TPTE2: variants seen among roughly 807,000 people sequenced by gnomAD.
The protein encoded by TPTE2 is phosphatidylinositol 3,4,5-trisphosphate 3-phosphatase TPTE2.
Under a neutral mutation model 78.6 loss-of-function variants are expected in TPTE2, and 53 were observed. That is an observed-to-expected ratio of 0.67 (90% CI 0.54 to 0.85). The LOEUF is 0.85. TPTE2 is among the 40% of genes least tolerant of loss of function. The probability of loss-of-function intolerance (pLI) is 0.00; values close to 1 mark genes in which losing one functional copy is unlikely to be tolerated. For synonymous variants in TPTE2, 175 were observed against 206.2 expected (o/e 0.85, Z 1.30); for missense variants, 461 against 623.0 (o/e 0.74, Z 2.77).
At chr13:19,560,537 A>G in the TPTE2 span, 1 of 1,591,608 alleles carries the variant, frequency 6.3e-7, no homozygotes, top group Non-Finnish European at 8.6e-7. Context: ...GACAGCGATG[A>G]GAAGCCTGGG....
At chr13:19,561,318 G>C in the TPTE2 span, 1 of 753,184 alleles carries the variant, frequency 1.3e-6, no homozygotes, top group Non-Finnish European at 2.0e-6. Flanking sequence ...CCAGGCACAC[G>C]GCGGGGGCCG....
intron 4 of TPTE2, among the ~76,000 whole-genome samples, chr13:19,477,392 C>T (rs914291467): frequency 2.0e-5 from 3 of 151,986 alleles, no homozygotes; most frequent in Admixed American, 2.0e-4. Context: ...ATAAAATTGG[C>T]CTTTGATGAA....
Position 19,527,859 on chromosome 13 carries a change from A to C in TPTE2, c.-44+8737T>G, listed in dbSNP as rs550743833. 8.5e-5 allele frequency among the ~76,000 whole-genome samples: 13 copies of C among 152,348 alleles called. No homozygotes were observed. The South Asian group carries it at 2.7e-3, about 32-fold the overall frequency. The stretch of plus-strand genomic sequence containing the variant: ...GGTCCTAGAAGGACTTGGTGTCCAC[A>C]TCCAGGTTATGGGTCCTGCAGAGAG... On this transcript the variant is annotated intron_variant, in intron 1 of 17. Transcript: ENST00000390680.
At chr13:19,440,539 G>A (rs955465920) in intron 13 of TPTE2, among the ~76,000 whole-genome samples, 15 of 152,278 alleles carry the variant, frequency 9.9e-5, no homozygotes, top group Non-Finnish European at 1.3e-4. Flanking sequence ...GGAGGCCAAG[G>A]CAGGCAGATC....
At chr13:19,547,826 G>A in the TPTE2 span, among the ~76,000 whole-genome samples, 2 of 149,934 alleles carry the variant, frequency 1.3e-5, no homozygotes, top group Non-Finnish European at 3.0e-5. Context: ...CATTTAATGT[G>A]GATTGAGAGA....
chr13:19,485,174 G>C (rs1006952916), intron 3 of TPTE2, among the ~76,000 whole-genome samples: 1 of 152,036 alleles, frequency 6.6e-6, no homozygotes, highest in Non-Finnish European at 1.5e-5. Flanking sequence ...ATGTTTTTAT[G>C]ATGGTGGTTA....
intron 1 of TPTE2, among the ~76,000 whole-genome samples, chr13:19,502,730 A>G (rs111389068): frequency 0.037 from 5,631 of 151,952 alleles, 373 homozygotes; most frequent in African/African-American, 0.13. Context: ...GCGCACCAGC[A>G]TGGCACATGT....
intron 15 of TPTE2, among the ~76,000 whole-genome samples, chr13:19,432,904 G>C (rs1324614784): frequency 6.6e-6 from 1 of 152,176 alleles, no homozygotes; most frequent in Admixed American, 6.5e-5. Context: ...CAGAAGCTTA[G>C]TTGTGACTGA....
chr13:19,500,834 TC>T (rs1868470041), intron 1 of TPTE2, among the ~76,000 whole-genome samples: 1 of 148,816 alleles, frequency 6.7e-6, no homozygotes, highest in African/African-American at 2.5e-5. Context: ...TAAAGGGTAT[TC>T]AAGTAGGAAA....
chr13:19,555,008 T>C, the TPTE2 span, among the ~76,000 whole-genome samples: 1 of 152,232 alleles, frequency 6.6e-6, no homozygotes, highest in African/African-American at 2.4e-5. Flanking sequence ...ATTAGGATCA[T>C]CACTATATTT....
At chr13:19,496,362 G>A (rs373985986) in intron 1 of TPTE2, among the ~76,000 whole-genome samples, 8 of 152,184 alleles carry the variant, frequency 5.3e-5, no homozygotes, top group African/African-American at 1.2e-4. Flanking sequence ...GCCAATGCAC[G>A]ACAGCCTTTT....
At chr13:19,552,911 T>G in the TPTE2 span, among the ~76,000 whole-genome samples, 7 of 142,588 alleles carry the variant, frequency 4.9e-5, no homozygotes, top group Non-Finnish European at 9.1e-5. Context: ...CAAGCTTAAC[T>G]TTTGTTTTAC....
intron 9 of TPTE2, among the ~76,000 whole-genome samples, 184 bp from the exon 13 acceptor site, chr13:19,464,704 C>T (rs1879152285): frequency 6.6e-6 from 1 of 152,176 alleles, no homozygotes; most frequent in African/African-American, 2.4e-5. Context: ...ACACAATGAC[C>T]ATTAAACTGG....
intron 3 of TPTE2, among the ~76,000 whole-genome samples, chr13:19,482,946 AAATGTTTTGG>A (rs1880448043): frequency 6.6e-6 from 1 of 152,194 alleles, no homozygotes; most frequent in Non-Finnish European, 1.5e-5. Flanking sequence ...CAACTCACAC[AAATGTTTTGG>A]TTCCCCTGTG....
chr13:19,497,393 T>C (rs370612731), intron 1 of TPTE2, among the ~76,000 whole-genome samples: 28 of 132,456 alleles, frequency 2.1e-4, no homozygotes, highest in East Asian at 4.4e-4. Context: ...CAGACTTAAA[T>C]GTCCCTGTCT....
chr13:19,492,944 A>G (rs750940596), intron 2 of TPTE2, 41 bp from the exon 6 acceptor site: 110 of 1,610,082 alleles, frequency 6.8e-5, no homozygotes, highest in Non-Finnish European at 8.8e-5. Context: ...AGGAGACACG[A>G]TTCTAAATTT....
At chr13:19,473,381 T>G (rs1879742492) in intron 6 of TPTE2, among the ~76,000 whole-genome samples, 2 of 152,144 alleles carry the variant, frequency 1.3e-5, no homozygotes, top group African/African-American at 4.8e-5. Flanking sequence ...GTCTACCTAG[T>G]GTTTTATTGT....
chr13:19,436,119 T>C, intron 15 of TPTE2, 107 bp downstream of exon 18: 11 of 922,710 alleles, frequency 1.2e-5, no homozygotes, highest in South Asian at 1.7e-5. Flanking sequence ...ACCCAACTGC[T>C]GCTGCCTGAT....
In TPTE2 at chr13:19,486,960, GTCT is replaced by G. The variant is rs1324894320; in HGVS notation, c.120-4416_120-4414del. On this transcript the variant is annotated intron_variant, in intron 3 of 19. Transcript: ENST00000400230. The surrounding 1 kb of genome is among the most constrained non-coding windows in gnomAD (Gnocchi z 4.3). Reference sequence around the variant, plus strand: ...GGCTGCTCGGCTGGCCTAGGGGCATGTCTTCTGGAAGTAGCCCATGGAGCTCTT... The same window carrying G: ...GGCTGCTCGGCTGGCCTAGGGGCATGTCTGGAAGTAGCCCATGGAGCTCTT... Among the ~76,000 whole-genome samples, 1 of 152,184 alleles carries G rather than the reference GTCT, an allele frequency of 6.6e-6. No homozygotes were observed. Among genetic ancestry groups the G allele is most frequent in the African/African-American group, 2.4e-5 (1 of 41,452 alleles).
Sources: allele counts gnomAD v4.1 joint callset (sites outside exome capture counted in the v4.1 genomes callset), GRCh38; gene constraint gnomAD v4.1.1; non-coding constraint Gnocchi (gnomAD v3.1); transcripts MANE v1.5; gene names NCBI Gene and HGNC (gene_info 2026-07-23, HGNC 2026-07-21).